Variants in PCDH15 observed in about 807,000 individuals in gnomAD.
The protein encoded by PCDH15 is protocadherin related 15.
PCDH15 carries 129 observed loss-of-function variants against 178.5 expected under a neutral mutation model. That is an observed-to-expected ratio of 0.72 (90% CI 0.63 to 0.84). The LOEUF (loss-of-function observed/expected upper bound fraction) is 0.84. Among genes scored for constraint, PCDH15 ranks in the 40% least tolerant of loss-of-function variants. PCDH15 has a pLI of 0.00. For synonymous variants in PCDH15, 800 were observed against 732.0 expected, an observed-to-expected ratio of 1.09 and a Z score of -1.50; for missense variants, 2,230 against 2,099.9, an observed-to-expected ratio of 1.06 and a Z score of -1.21.
chr10:55,384,219 GT>G (rs1435399956), intron 2 of PCDH15, among the ~76,000 whole-genome samples: 2 of 152,060 alleles, frequency 1.3e-5, no homozygotes, highest in African/African-American at 4.8e-5. Context: ...TTGCAATATT[GT>G]TTTGAGGAGA....
chr10:54,036,904 A>G (rs755797940), intron 18 of PCDH15, among the ~76,000 whole-genome samples: 99 of 152,096 alleles, frequency 6.5e-4, no homozygotes, highest in Non-Finnish European at 1.2e-3. Context: ...AGGTAAAAAT[A>G]TCAACATTAA....
intron 2 of PCDH15, among the ~76,000 whole-genome samples, chr10:54,662,174 C>T (rs551541515): frequency 4.6e-5 from 7 of 151,618 alleles, no homozygotes; most frequent in East Asian, 3.9e-4. Context: ...GATTTATGTC[C>T]GAAATCTATA....
In PCDH15 at chr10:55,162,633, C is replaced by G. The variant is rs561820563; in HGVS notation, c.-80+3943G>C. The stretch of plus-strand genomic sequence containing the variant: ...TAGTCCTTCCCAGAAACTAAACTGC[C>G]TTTGTAAAACTAATGAAAGTCCACC... On this transcript the variant is annotated intron_variant, in intron 2 of 5. Transcript: ENST00000458638. 3.9e-5 allele frequency among the ~76,000 whole-genome samples: 6 copies of G among 152,230 alleles called. No individual in the cohort carries two copies. In the East Asian group the frequency reaches 1.2e-3, roughly 30 times the overall value.
chr10:53,917,179 A>G (rs1450041413), intron 25 of PCDH15, among the ~76,000 whole-genome samples: 2 of 152,160 alleles, frequency 1.3e-5, no homozygotes, highest in Non-Finnish European at 2.9e-5. Context: ...ACAAGACCAC[A>G]AATTTATAGA....
At chr10:54,010,666 C>A (rs1012594703) in intron 20 of PCDH15, among the ~76,000 whole-genome samples, 1 of 152,130 alleles carries the variant, frequency 6.6e-6, no homozygotes, top group Non-Finnish European at 1.5e-5. Flanking sequence ...CAATCCACAA[C>A]CTCTCTGTGA....
intron 1 of PCDH15, among the ~76,000 whole-genome samples, chr10:54,736,761 T>C (rs1245579435): frequency 6.6e-6 from 1 of 151,988 alleles, no homozygotes; most frequent in Non-Finnish European, 1.5e-5. Flanking sequence ...TAGGCGAAAA[T>C]TCATGTCCCA....
intron 1 of PCDH15, among the ~76,000 whole-genome samples, chr10:55,311,972 T>C (rs1241072314): frequency 5.3e-5 from 8 of 152,196 alleles, no homozygotes; most frequent in Non-Finnish European, 1.2e-4. Flanking sequence ...TCTAGAACAA[T>C]TGGAAACAGC....
chr10:54,500,095 C>T lies in PCDH15; in HGVS notation c.157+27717G>A, dbSNP rs145459649. Among the ~76,000 whole-genome samples, 107 of 152,254 alleles carry T rather than the reference C, an allele frequency of 7.0e-4. No individual in the cohort carries two copies. In the East Asian group the frequency reaches 0.015, roughly 21 times the overall value. ...TAAAGAAAAGATGATACATATACAG[C>T]ATGGAATACTATGCAGCCATTAAAG... On this transcript the variant is annotated intron_variant, in intron 3 of 37. Transcript: ENST00000644397.
At chr10:53,962,814 C>T (rs974842193) in intron 21 of PCDH15, among the ~76,000 whole-genome samples, 2 of 152,110 alleles carry the variant, frequency 1.3e-5, no homozygotes, top group African/African-American at 4.8e-5. Context: ...GCTGGCTGTC[C>T]TCACTTATAT....
Position 54,850,083 on chromosome 10 carries a change from C to A in PCDH15, c.-29+47367G>T, listed in dbSNP as rs1282519407. 2.6e-5 allele frequency among the ~76,000 whole-genome samples: 4 copies of A among 151,836 alleles called. No homozygotes were observed. In the East Asian group the frequency reaches 7.7e-4, roughly 29 times the overall value. ...AAATTCTTTAAATTTTGAAAATTTA[C>A]CAAATTTTCAAAAATGTACTTTAGT... is the stretch of plus-strand genomic sequence containing the variant. On this transcript the variant is annotated intron_variant, in intron 3 of 5. Transcript: ENST00000458638.
chr10:55,064,239 C>T (rs1190183837), intron 2 of PCDH15, among the ~76,000 whole-genome samples: 6 of 152,134 alleles, frequency 3.9e-5, no homozygotes, highest in Non-Finnish European at 8.8e-5. Flanking sequence ...GTTACTGCTA[C>T]TAGCACTATA....
rs770532865 is a variant in PCDH15 at position 53,827,467 on chromosome 10, T to G, written c.4293A>C (p.Pro1431=). 7 of 1,613,748 alleles carry G rather than the reference T, an allele frequency of 4.3e-6. No homozygotes were observed. In the South Asian group the frequency reaches 7.7e-5, roughly 18 times the overall value. ...GCGGCGGCGGCGGGGGCGCTGCCAC[T>G]GGTGCAGGAGCCGGCACTGCTGGTT... ...AAKPAVPAPA[P]VAAPPPPPPP... is the part of the protein sequence containing the mutation. The change falls in exon 32 of 38, where the codon CCA becomes CCC. Residue 1431 remains proline, a synonymous_variant. Coordinates refer to ENST00000644397, the MANE Select transcript of PCDH15 (RefSeq NM_001384140.1).
chr10:54,732,881 T>G (rs536102344), intron 1 of PCDH15, among the ~76,000 whole-genome samples: 1 of 151,600 alleles, frequency 6.6e-6, no homozygotes, highest in African/African-American at 2.4e-5. Context: ...TGTTTCAACA[T>G]CAGAAATTGA....
At chr10:55,023,042 C>G (rs1003060128) in intron 2 of PCDH15, among the ~76,000 whole-genome samples, 3 of 148,546 alleles carry the variant, frequency 2.0e-5, no homozygotes, top group Non-Finnish European at 4.5e-5. Flanking sequence ...CCCAAATTCA[C>G]GCCATTCTCC....
intron 18 of PCDH15, among the ~76,000 whole-genome samples, chr10:54,046,788 C>A (rs1212051599): frequency 1.3e-5 from 2 of 152,048 alleles, no homozygotes; most frequent in Non-Finnish European, 2.9e-5. Flanking sequence ...ATCTTTAAAT[C>A]ACTTTTGTGT....
At chr10:54,768,832 G>C (rs961300441) in intron 1 of PCDH15, among the ~76,000 whole-genome samples, 8 of 151,902 alleles carry the variant, frequency 5.3e-5, no homozygotes, top group Admixed American at 4.6e-4. Context: ...CACTTGTAAA[G>C]TGATCTGCAT....
At chr10:54,802,866 A>G (rs539229579), upstream of PCDH15, among the ~76,000 whole-genome samples, 2 of 152,316 alleles carry the variant, frequency 1.3e-5, no homozygotes, top group African/African-American at 4.8e-5. Flanking sequence ...TAGCTAGAAA[A>G]CAGAAAATTT....
At chr10:55,519,717 T>C (rs572752108) in intron 2 of PCDH15, among the ~76,000 whole-genome samples, 1 of 149,034 alleles carries the variant, frequency 6.7e-6, no homozygotes, top group South Asian at 2.2e-4. Flanking sequence ...TTCTCCAAAA[T>C]TTATTCCATT....
chr10:55,517,501 A>C (rs1285501013), intron 2 of PCDH15, among the ~76,000 whole-genome samples: 8 of 152,168 alleles, frequency 5.3e-5, no homozygotes, highest in African/African-American at 9.6e-5. Flanking sequence ...TTTTACTAAA[A>C]TTATACATTG....
Sources: gnomAD v4.1 joint callset for allele counts (sites outside exome capture counted in the v4.1 genomes callset) on GRCh38, gnomAD v4.1.1 for gene constraint, MANE v1.5 for transcripts, NCBI Gene and HGNC (gene_info 2026-07-23, HGNC 2026-07-21) for gene names.